Variants in ACYP2 observed in about 807,000 individuals in gnomAD.
ACYP2 encodes the protein acylphosphatase-2.
In ACYP2, 12 loss-of-function variants were observed where a neutral mutation model predicts 11.2. That is an observed-to-expected ratio of 1.08 (90% CI 0.69 to 1.74). The LOEUF (loss-of-function observed/expected upper bound fraction) is 1.74, where lower values mean the gene tolerates loss of function less well. Among genes scored for constraint, ACYP2 ranks in the 40% most tolerant of loss-of-function variants. ACYP2 has a pLI of 0.00. For missense variants in ACYP2, 134 were observed against 101.9 expected (o/e 1.31, Z -1.35); for synonymous variants, 43 against 32.2 (o/e 1.33, Z -1.13).
intron 4 of ACYP2, among the ~76,000 whole-genome samples, chr2:54,072,337 C>G (rs531087418): frequency 1.1e-3 from 174 of 152,164 alleles, no homozygotes; most frequent in African/African-American, 4.1e-3. Flanking sequence ...GACAGGGTCT[C>G]ACTCTATACC....
At position 54,031,075 on chromosome 2, in the gene ACYP2, GT is replaced by G. The variant is rs759555361; in HGVS notation, c.63-19881del. Among the ~76,000 whole-genome samples the G allele has an allele frequency of 2.1e-4, 32 of 152,266 alleles. 1 individual carries two copies. The highest frequency in any genetic ancestry group is 1.5e-3 in the East Asian group (8 of 5,176). On this transcript the variant is annotated intron_variant, in intron 2 of 6. Coordinates refer to ENST00000607452, the MANE Select transcript of ACYP2 (RefSeq NM_001320586.2). ...TGCTATAACAGAGGAAGTTCAGCAG[GT>G]TATGTCTCATTGGTGTCAGGGAAGG... is the stretch of plus-strand genomic sequence containing the variant.
chr2:54,271,461 C>T (rs1279191562), intron 6 of ACYP2, among the ~76,000 whole-genome samples: 1 of 151,934 alleles, frequency 6.6e-6, no homozygotes, highest in Non-Finnish European at 1.5e-5. Context: ...TGACTCATGA[C>T]TCAACCAGTG....
intron 4 of ACYP2, among the ~76,000 whole-genome samples, chr2:54,109,245 A>G (rs1679328925): frequency 6.6e-6 from 1 of 152,268 alleles, no homozygotes; most frequent in African/African-American, 2.4e-5. Flanking sequence ...AAGAAATGAA[A>G]TAATGGCATT....
chr2:54,050,125 A>T (rs1020863891), intron 2 of ACYP2, among the ~76,000 whole-genome samples: 2 of 152,136 alleles, frequency 1.3e-5, no homozygotes, highest in African/African-American at 2.4e-5. Context: ...AAAGAATCAA[A>T]TTTTTTTCTT....
chr2:54,262,749 G>A (rs1164306563), intron 6 of ACYP2, among the ~76,000 whole-genome samples: 2 of 151,900 alleles, frequency 1.3e-5, no homozygotes, highest in Non-Finnish European at 2.9e-5. Flanking sequence ...TTTATGGATG[G>A]CAAACTGTAG....
At chr2:53,971,638 TA>T (rs772139318) in intron 1 of ACYP2, among the ~76,000 whole-genome samples, 17 of 152,180 alleles carry the variant, frequency 1.1e-4, no homozygotes, top group Non-Finnish European at 1.9e-4. Flanking sequence ...CTAGCAGAGA[TA>T]AAGACGTGAA....
chr2:54,033,754 A>G (rs146894204), intron 2 of ACYP2, among the ~76,000 whole-genome samples: 4 of 152,338 alleles, frequency 2.6e-5, no homozygotes, highest in Middle Eastern at 3.4e-3. Context: ...TAGCATGAAG[A>G]CCAGCCGGAT....
At chr2:54,017,749 G>C (rs1673778167) in intron 2 of ACYP2, among the ~76,000 whole-genome samples, 1 of 152,162 alleles carries the variant, frequency 6.6e-6, no homozygotes, top group Non-Finnish European at 1.5e-5. Flanking sequence ...ATCTTTTGCT[G>C]AGTGAGTAAG....
At chr2:54,144,691 AT>A (rs1312217333) in intron 6 of ACYP2, among the ~76,000 whole-genome samples, 1 of 151,458 alleles carries the variant, frequency 6.6e-6, no homozygotes, top group Non-Finnish European at 1.5e-5. Flanking sequence ...AAAAAAAAAA[AT>A]CTCTTTTGCA....
At chr2:53,994,835 C>G (rs1672492271) in intron 2 of ACYP2, among the ~76,000 whole-genome samples, 1 of 152,116 alleles carries the variant, frequency 6.6e-6, no homozygotes, top group Admixed American at 6.6e-5. Flanking sequence ...ATAAAATATA[C>G]CTCTGGCATT....
At chr2:54,214,302 T>C (rs564851080) in intron 6 of ACYP2, among the ~76,000 whole-genome samples, 1 of 152,370 alleles carries the variant, frequency 6.6e-6, no homozygotes, top group African/African-American at 2.4e-5. Flanking sequence ...GTCTTTGTCA[T>C]GAAATCTTTG....
chr2:54,284,033 C>T (rs1355903837), intron 6 of ACYP2, among the ~76,000 whole-genome samples: 4 of 152,196 alleles, frequency 2.6e-5, no homozygotes, highest in Non-Finnish European at 5.9e-5. Flanking sequence ...ATCACTTGAA[C>T]CCAGGAGGCG....
intron 4 of ACYP2, among the ~76,000 whole-genome samples, chr2:54,132,991 G>A (rs761649333): frequency 4.6e-5 from 7 of 152,022 alleles, no homozygotes; most frequent in African/African-American, 7.2e-5. Flanking sequence ...TGATCCACCC[G>A]CCTTGGCCTC....
intron 4 of ACYP2, chr2:54,057,381 C>T (rs1288311538): frequency 2.5e-6 from 1 of 397,420 alleles, no homozygotes; most frequent in Non-Finnish European, 4.4e-6. Context: ...AAAATAAATA[C>T]TGATTTTAAT....
chr2:54,284,642 T>C (rs1689001999), intron 6 of ACYP2, among the ~76,000 whole-genome samples: 1 of 152,170 alleles, frequency 6.6e-6, no homozygotes, highest in Admixed American at 6.5e-5. Context: ...GTATCTACAA[T>C]TGTTTTTTAA....
intron 2 of ACYP2, among the ~76,000 whole-genome samples, chr2:54,037,549 CA>C (rs1009803583): frequency 6.6e-6 from 1 of 151,962 alleles, no homozygotes; most frequent in Non-Finnish European, 1.5e-5. Context: ...TAGTTAGGAC[CA>C]CAGTGAACCC....
At chr2:54,213,060 C>T (rs1465373895) in intron 6 of ACYP2, among the ~76,000 whole-genome samples, 1 of 152,000 alleles carries the variant, frequency 6.6e-6, no homozygotes, top group South Asian at 2.1e-4. Context: ...GAGCCTAGTA[C>T]CTGATAGTTT....
intron 6 of ACYP2, chr2:54,142,119 C>G (rs60798176): frequency 0.079 from 30,972 of 390,904 alleles, 2,227 homozygotes; most frequent in East Asian, 0.32. Flanking sequence ...AATGACTTTC[C>G]TGCCTCAGCC....
chr2:54,237,866 TTCTA>T (rs1019305230), intron 6 of ACYP2, among the ~76,000 whole-genome samples: 4 of 152,154 alleles, frequency 2.6e-5, no homozygotes, highest in Admixed American at 1.3e-4. Flanking sequence ...TCTGGATACC[TTCTA>T]TCTATCTAAC....
Sources: allele counts gnomAD v4.1 joint callset (sites outside exome capture counted in the v4.1 genomes callset), GRCh38; gene constraint gnomAD v4.1.1; transcripts MANE v1.5; gene names NCBI Gene and HGNC (gene_info 2026-07-23, HGNC 2026-07-21).